The following NUCB2 variants were observed in gnomAD, a reference collection of about 807,000 sequenced individuals.
The protein encoded by NUCB2 is nucleobindin-2.
A neutral mutation model predicts 57.9 loss-of-function variants in NUCB2; 48 were observed. The ratio of observed to expected loss-of-function variants is 0.83; its 90% CI spans 0.66 to 1.05. NUCB2 has a LOEUF of 1.05. Ranked by LOEUF, NUCB2 falls within the 50% of genes least tolerant of loss-of-function variation. The pLI is 0.00. For missense variants in NUCB2, 442 were observed against 476.2 expected, an observed-to-expected ratio of 0.93 and a Z score of 0.67; for synonymous variants, 139 against 152.1, an observed-to-expected ratio of 0.91 and a Z score of 0.64.
rs1948187723 is a variant in NUCB2, at chr11:17,309,621, C to A, written c.429C>A (p.Asn143Lys). Residue 143 changes from asparagine to lysine, a missense_variant, in exon 6 of 14, where the codon AAC (asparagine) becomes AAA (lysine). By Grantham distance (94) the Asn-to-Lys change is moderately conservative. Transcript: ENST00000529010. ...QALLKQFDHL[N>K]HLNPDKFEST... ...TTCTAAAACAATTTGATCACCTAAA[C>A]CACCTGAATCCTGACAAGTTTGAAT... 1.9e-6 allele frequency: 3 copies of A among 1,606,984 alleles called. No homozygotes were observed. Among genetic ancestry groups the A allele is most frequent in the Non-Finnish European group, 2.5e-6 (3 of 1,177,482 alleles).
At chr11:17,324,084 A>G (rs1950356785) in intron 11 of NUCB2, among the ~76,000 whole-genome samples, 2 of 151,584 alleles carry the variant, frequency 1.3e-5, no homozygotes, top group South Asian at 4.2e-4. Flanking sequence ...TTATTTTTTC[A>G]TCTTCTACTA....
intron 2 of NUCB2, among the ~76,000 whole-genome samples, chr11:17,287,559 G>A (rs1220452138): frequency 6.6e-5 from 10 of 151,052 alleles, no homozygotes; most frequent in African/African-American, 2.4e-4. Flanking sequence ...TGTAGTCCTA[G>A]CTACTCAGGA....
At chr11:17,325,739 G>C (rs1260372409) in intron 11 of NUCB2, among the ~76,000 whole-genome samples, 1 of 151,926 alleles carries the variant, frequency 6.6e-6, no homozygotes, top group Non-Finnish European at 1.5e-5. Flanking sequence ...ATGTTTTGCT[G>C]TCTTCTTTTT....
Position 17,316,133 on chromosome 11 carries a change from G to A in NUCB2, c.1002+658G>A, listed in dbSNP as rs1257810849. On this transcript the variant is annotated intron_variant, in intron 11 of 13. Coordinates refer to ENST00000529010, the MANE Select transcript of NUCB2 (RefSeq NM_005013.4). The stretch of plus-strand genomic sequence containing the variant: ...ATTACAGGTGCCCGCCACCACGCCC[G>A]GCTAATTTTTGTATTTTTAGTAGAG... 4.6e-5 allele frequency among the ~76,000 whole-genome samples: 7 copies of A among 151,918 alleles called. No individual in the cohort carries two copies. The East Asian group carries it at 5.8e-4, about 13-fold the overall frequency.
At position 17,315,484 on chromosome 11, in the gene NUCB2, A is replaced by T; in HGVS notation, c.1002+9A>T. 6.5e-7 allele frequency: 1 copy of T among 1,549,744 alleles called. No homozygotes were observed. The highest frequency in any genetic ancestry group is 1.1e-5 in the South Asian group (1 of 88,786). ...AGCCAGATAGCTGGGAGGTAATAGA[A>T]CCTACTCTAAATGAGATGTATGGTT... On this transcript the variant is annotated intron_variant, in intron 11 of 13. Coordinates refer to ENST00000529010, the MANE Select transcript of NUCB2 (RefSeq NM_005013.4).
intron 2 of NUCB2, among the ~76,000 whole-genome samples, chr11:17,294,750 C>G (rs919217696): frequency 6.9e-5 from 10 of 144,558 alleles, no homozygotes; most frequent in African/African-American, 2.5e-4. Context: ...TTTTCTTATA[C>G]TATAAAAACA....
chr11:17,348,316 TGTG>T (rs1565494563), intron 2 of NUCB2, among the ~76,000 whole-genome samples: 4 of 119,116 alleles, frequency 3.4e-5, no homozygotes, highest in Admixed American at 2.2e-4. Context: ...TGTTTGTTTT[TGTG>T]TTTTTTTTTT....
chr11:17,335,613 G>A (rs1038021009), downstream of NUCB2, among the ~76,000 whole-genome samples: 3 of 151,884 alleles, frequency 2.0e-5, no homozygotes, highest in Admixed American at 1.3e-4. Flanking sequence ...GCGATTCTCC[G>A]GCCTTAGCCT....
chr11:17,345,513 C>A (rs919103236), intron 2 of NUCB2, among the ~76,000 whole-genome samples: 1 of 152,132 alleles, frequency 6.6e-6, no homozygotes, highest in Non-Finnish European at 1.5e-5. Context: ...TAAAGACCAG[C>A]CTGGCCAAGA....
At chr11:17,319,490 G>A (rs1057172922) in intron 11 of NUCB2, among the ~76,000 whole-genome samples, 7 of 152,178 alleles carry the variant, frequency 4.6e-5, no homozygotes, top group African/African-American at 9.6e-5. Context: ...CCTTGCTACT[G>A]TAGTGTCATT....
At chr11:17,306,193 G>A (rs1947612008) in intron 5 of NUCB2, among the ~76,000 whole-genome samples, 1 of 152,106 alleles carries the variant, frequency 6.6e-6, no homozygotes, top group Admixed American at 6.5e-5. Context: ...CCTTGTGATA[G>A]CCTCCCATAG....
intron 11 of NUCB2, among the ~76,000 whole-genome samples, chr11:17,329,519 TGGGCA>T (rs1223759387): frequency 6.6e-6 from 1 of 152,210 alleles, no homozygotes; most frequent in Non-Finnish European, 1.5e-5. Context: ...CTCCTATGCA[TGGGCA>T]GTGGTGGAGC....
Position 17,309,564 on chromosome 11 carries a change from T to C in NUCB2, c.380-8T>C. On this transcript the variant is annotated splice_region_variant and splice_polypyrimidine_tract_variant and intron_variant, in intron 5 of 13. Coordinates refer to ENST00000529010, the MANE Select transcript of NUCB2 (RefSeq NM_005013.4). Reference sequence around the variant, plus strand: ...TTGATCATTTACAGTTTTCTTATTTTCTTTCAGATATAGGCATGGACCACC... The same window carrying C: ...TTGATCATTTACAGTTTTCTTATTTCCTTTCAGATATAGGCATGGACCACC... 1.3e-6 allele frequency: 2 copies of C among 1,487,124 alleles called. No homozygotes were observed. Among genetic ancestry groups the C allele is most frequent in the Non-Finnish European group, 1.8e-6 (2 of 1,097,918 alleles). The allele number at this position is 1,487,124 out of a possible 1,614,324, so 92.1% of individuals were successfully genotyped here. A position where few individuals can be genotyped will look rare whatever the true frequency, so the allele number is the denominator to read the frequency against.
intron 6 of NUCB2, 35 bp from the exon 7 acceptor site, chr11:17,310,789 GT>G (rs1317060786): frequency 2.0e-6 from 3 of 1,500,482 alleles, no homozygotes; most frequent in Non-Finnish European, 2.7e-6. Context: ...TCAAGTGAAT[GT>G]TTTTATTTAA....
chr11:17,315,333 A>C, intron 10 of NUCB2, 53 bp from the exon 11 acceptor site: 1 of 1,009,554 alleles, frequency 9.9e-7, no homozygotes. Flanking sequence ...ATAGTGTCTA[A>C]ATAATATGAG....
At chr11:17,319,419 C>T (rs1272811645) in intron 11 of NUCB2, among the ~76,000 whole-genome samples, 1 of 152,136 alleles carries the variant, frequency 6.6e-6, no homozygotes, top group Non-Finnish European at 1.5e-5. Context: ...CCTGACCCAA[C>T]CCAGAATGAC....
chr11:17,314,584 G>A (rs552429717), intron 10 of NUCB2, among the ~76,000 whole-genome samples: 3 of 151,938 alleles, frequency 2.0e-5, no homozygotes, highest in Non-Finnish European at 4.4e-5. Context: ...TACTTCCACC[G>A]AGTCTGTGCT....
In NUCB2 at chr11:17,311,018, TTG is replaced by T. The variant is rs766432771; in HGVS notation, c.669+11_669+12del. ...CCTAAAGTTAATCACCCAGTAAGGA[TTG>T]TGACTTTATGAAACCATTTTTAGAT... is the stretch of plus-strand genomic sequence containing the variant. On this transcript the variant is annotated intron_variant, in intron 7 of 13. Coordinates refer to ENST00000529010, the MANE Select transcript of NUCB2 (RefSeq NM_005013.4). 1 of 1,561,934 alleles carries T rather than the reference TTG, an allele frequency of 6.4e-7. No individual in the cohort carries two copies. The highest frequency in any genetic ancestry group is 8.6e-7 in the Non-Finnish European group (1 of 1,162,634).
At chr11:17,333,734 G>C (rs1185837018), downstream of NUCB2, 1 of 152,158 alleles carries the variant, frequency 6.6e-6, no homozygotes, top group African/African-American at 2.4e-5. Context: ...AAAAGGTTGA[G>C]AAAGTTTTAG....
Sources: allele counts gnomAD v4.1 joint callset (sites outside exome capture counted in the v4.1 genomes callset), GRCh38; gene constraint gnomAD v4.1.1; transcripts MANE v1.5; gene names NCBI Gene and HGNC (gene_info 2026-07-23, HGNC 2026-07-21).